NEO1: variants seen among roughly 807,000 people sequenced by gnomAD.
NEO1 encodes the protein neogenin.
In NEO1, 63 loss-of-function variants were observed where a neutral mutation model predicts 159.7. The observed-to-expected ratio is 0.39, with a 90% CI of 0.32 to 0.49. The LOEUF (loss-of-function observed/expected upper bound fraction) is 0.49, where lower values mean the gene tolerates loss of function less well. NEO1 is among the 20% of genes least tolerant of loss of function. NEO1 has a pLI of 0.85. For synonymous variants in NEO1, 633 were observed against 662.0 expected, an observed-to-expected ratio of 0.96 and a Z score of 0.67; for missense variants, 1,615 against 1,831.0, an observed-to-expected ratio of 0.88 and a Z score of 2.15.
intron 11 of NEO1, among the ~76,000 whole-genome samples, chr15:73,250,556 T>C (rs1254313979): frequency 6.6e-6 from 1 of 152,150 alleles, no homozygotes; most frequent in South Asian, 2.1e-4. Flanking sequence ...GAAGACACAA[T>C]ATTACTTCTG....
chr15:73,174,915 C>T (rs1203692662), intron 5 of NEO1, among the ~76,000 whole-genome samples: 5 of 152,070 alleles, frequency 3.3e-5, no homozygotes, highest in Non-Finnish European at 7.4e-5. Context: ...CTGGATCTTC[C>T]ATCACTGTGA....
chr15:73,126,600 C>A (rs2030285103), intron 4 of NEO1, 30 bp downstream of exon 4: 1 of 1,600,182 alleles, frequency 6.2e-7, no homozygotes, highest in African/African-American at 1.3e-5. Context: ...AAGCCTTCTT[C>A]AGCCTTAGCT....
intron 1 of NEO1, among the ~76,000 whole-genome samples, chr15:73,056,663 C>CT (rs2151213276): frequency 6.6e-6 from 1 of 152,040 alleles, no homozygotes; most frequent in African/African-American, 2.4e-5. Context: ...TGTGTGTGGG[C>CT]CCCCCCTGCC....
intron 12 of NEO1, 23 bp downstream of exon 12, chr15:73,253,472 T>C: frequency 6.4e-7 from 1 of 1,573,704 alleles, no homozygotes; most frequent in East Asian, 2.2e-5. Flanking sequence ...GATGCTGCTG[T>C]TCATTTTTAC....
At chr15:73,120,785 G>T (rs887052225) in intron 2 of NEO1, among the ~76,000 whole-genome samples, 5 of 152,016 alleles carry the variant, frequency 3.3e-5, no homozygotes, top group African/African-American at 1.2e-4. Context: ...CTTGAAAACT[G>T]ATGCTCTTAG....
At chr15:73,120,631 CTTT>C (rs11462324) in intron 2 of NEO1, among the ~76,000 whole-genome samples, 1 of 143,590 alleles carries the variant, frequency 7.0e-6, no homozygotes, top group Admixed American at 7.0e-5. Context: ...ATTTTAAGTA[CTTT>C]TTTTTTTTTT....
In NEO1 at chr15:73,260,304, A is replaced by G. The variant is rs143715115; in HGVS notation, c.2237A>G (p.His746Arg). The G allele has an allele frequency of 6.2e-7, 1 of 1,613,758 alleles. No homozygotes were observed. The highest frequency in any genetic ancestry group is 8.5e-7 in the Non-Finnish European group (1 of 1,179,932). ...TRVPEVPSSL[H>R]VRPLVTSIVV... ...GTTCCTGAAGTGCCTAGCTCTCTTC[A>G]CGTACGCCCGCTCGTTACTAGCATC... Residue 746 changes from histidine to arginine, a missense_variant, in exon 15 of 29, where the codon CAC (histidine) becomes CGC (arginine). Around this residue, in one of 3 missense-constraint regions of NEO1, gnomAD observed 1,018 missense variants for 1,115.4 expected, o/e 0.91. Coordinates refer to ENST00000261908, the MANE Select transcript of NEO1 (RefSeq NM_002499.4).
intron 11 of NEO1, among the ~76,000 whole-genome samples, chr15:73,252,095 A>G (rs2040104580): frequency 6.6e-6 from 1 of 152,176 alleles, no homozygotes; most frequent in Non-Finnish European, 1.5e-5. Context: ...TGAATCTCTG[A>G]GTTTAGGCTT....
chr15:73,066,912 A>G (rs545472637), intron 1 of NEO1, among the ~76,000 whole-genome samples: 1 of 152,266 alleles, frequency 6.6e-6, no homozygotes, highest in African/African-American at 2.4e-5. Flanking sequence ...TTCTTTTTGC[A>G]TCTTGGTTCC....
At chr15:73,240,572 T>C (rs2039443103) in intron 8 of NEO1, among the ~76,000 whole-genome samples, 3 of 152,154 alleles carry the variant, frequency 2.0e-5, no homozygotes, top group Admixed American at 2.0e-4. Context: ...GAAGGGACCA[T>C]TTTTGACTGT....
At chr15:73,176,650 G>T (rs1034675987) in intron 6 of NEO1, 93 bp downstream of exon 6, 30 of 877,108 alleles carry the variant, frequency 3.4e-5, no homozygotes, top group Non-Finnish European at 4.6e-5. Flanking sequence ...ATATATACTA[G>T]TTTGTGTACT....
chr15:73,240,876 G>A (rs537176040), intron 8 of NEO1, among the ~76,000 whole-genome samples: 3 of 152,236 alleles, frequency 2.0e-5, no homozygotes, highest in Non-Finnish European at 2.9e-5. Context: ...TTTTTAAGTC[G>A]TAAGACTATA....
At chr15:73,240,220 G>T (rs1022890659) in intron 8 of NEO1, among the ~76,000 whole-genome samples, 1 of 152,096 alleles carries the variant, frequency 6.6e-6, no homozygotes. Context: ...TTTTAACTGT[G>T]TGTACTTTTA....
intron 7 of NEO1, among the ~76,000 whole-genome samples, chr15:73,218,050 A>G (rs1363842370): frequency 1.3e-5 from 2 of 152,172 alleles, no homozygotes; most frequent in Non-Finnish European, 2.9e-5. Context: ...TCAGTATGAT[A>G]GTGGCTGTGG....
intron 5 of NEO1, among the ~76,000 whole-genome samples, chr15:73,173,045 A>C (rs1567383232): frequency 6.6e-6 from 1 of 152,236 alleles, no homozygotes; most frequent in Admixed American, 6.5e-5. Flanking sequence ...AGCTCAATCC[A>C]TATTAGTAGT....
At chr15:73,160,480 C>T (rs1329363149) in intron 5 of NEO1, among the ~76,000 whole-genome samples, 1 of 152,112 alleles carries the variant, frequency 6.6e-6, no homozygotes, top group Non-Finnish European at 1.5e-5. Flanking sequence ...TCATATCTCA[C>T]AGGTTGAGAG....
At chr15:73,299,593 G>C (rs2042529687) in intron 27 of NEO1, among the ~76,000 whole-genome samples, 1 of 152,142 alleles carries the variant, frequency 6.6e-6, no homozygotes, top group Non-Finnish European at 1.5e-5. Flanking sequence ...CACCACATTA[G>C]CCAGGATGGT....
chr15:73,105,425 T>C lies in NEO1; in HGVS notation c.131-11115T>C, dbSNP rs555670426. Among the ~76,000 whole-genome samples, 3 of 152,332 alleles carry C rather than the reference T, an allele frequency of 2.0e-5. 1 individual carries two copies. The highest frequency in any genetic ancestry group is 3.9e-4 in the East Asian group (2 of 5,188). On this transcript the variant is annotated intron_variant, in intron 1 of 28. Transcript: ENST00000261908. ...AGTGTTTTCTCTTGATGTCTTAATA[T>C]TGTAAAAGTATCTAGGAATAAGGAC...
chr15:73,275,197 A>C (rs185222366), intron 21 of NEO1, among the ~76,000 whole-genome samples: 2 of 151,874 alleles, frequency 1.3e-5, no homozygotes, highest in Non-Finnish European at 1.5e-5. Context: ...TCCTCTTCCC[A>C]CAAAGAATCC....
Sources: allele counts gnomAD v4.1 joint callset (sites outside exome capture counted in the v4.1 genomes callset), GRCh38; gene constraint gnomAD v4.1.1; regional missense constraint gnomAD v4.1.1; transcripts MANE v1.5; gene names NCBI Gene and HGNC (gene_info 2026-07-23, HGNC 2026-07-21).